The following GPR183 variants were observed in gnomAD, a reference collection of about 807,000 sequenced individuals.
GPR183 encodes the protein EBV-induced G-protein coupled receptor 2.
A neutral mutation model predicts 19.7 loss-of-function variants in GPR183; 9 were observed. The observed-to-expected ratio is 0.46, with a 90% CI of 0.28 to 0.80. GPR183 has a LOEUF of 0.80. Ranked by LOEUF, GPR183 falls within the 30% of genes least tolerant of loss-of-function variation. GPR183 has a pLI of 0.13. For synonymous variants in GPR183, 160 were observed against 155.1 expected (o/e 1.03, Z -0.24); for missense variants, 368 against 446.7 (o/e 0.82, Z 1.59).
intron 1 of GPR183, among the ~76,000 whole-genome samples, chr13:99,298,557 GT>G (rs1317664001): frequency 1.3e-5 from 2 of 152,060 alleles, no homozygotes; most frequent in Non-Finnish European, 1.5e-5. Flanking sequence ...TAAAATATAT[GT>G]TAAATATACA....
At chr13:99,302,260 A>G (rs2044267478) in intron 1 of GPR183, among the ~76,000 whole-genome samples, 1 of 152,248 alleles carries the variant, frequency 6.6e-6, no homozygotes, top group Admixed American at 6.5e-5. Context: ...CTTTGAGGAA[A>G]GGTTAAGACT....
intron 1 of GPR183, among the ~76,000 whole-genome samples, chr13:99,299,668 GT>G (rs2138727469): frequency 6.6e-6 from 1 of 152,128 alleles, no homozygotes; most frequent in African/African-American, 2.4e-5. Context: ...TAAAAACCTT[GT>G]TATCTGACAT....
At position 99,295,854 on chromosome 13, in the gene GPR183, T is replaced by C; in HGVS notation, c.292A>G (p.Arg98Gly). 2 of 1,606,048 alleles carry C rather than the reference T, an allele frequency of 1.2e-6. No individual in the cohort carries two copies. Among genetic ancestry groups the C allele is most frequent in the Non-Finnish European group, 1.7e-6 (2 of 1,174,790 alleles). Residue 98 changes from arginine (R) to glycine (G), a missense_variant, in exon 2 of 2, where the codon AGA becomes GGA. By Grantham distance (125) the Arg-to-Gly change is moderately radical (BLOSUM62 -2). Transcript: ENST00000376414. This position sits in a 1 kb window ranked among gnomAD's most constrained non-coding sequence, Gnocchi z 4.1. ...IAYYAMGFDW[R>G]IGDALCRITA... ...ATCCTACACAAGGCATCTCCGATTC[T>C]CCAGTCAAAGCCCATTGCATAGTAG...
Position 99,296,007 on chromosome 13 carries a change from C to T in GPR183, c.139G>A (p.Val47Met), listed in dbSNP as rs747892266. The change falls in exon 2 of 2, where the codon GTG (valine) becomes ATG (methionine). Residue 47 changes from valine (V) to methionine (M), a missense_variant. Transcript: ENST00000376414. ...HYSLVFIIGL[V>M]GNLLALVVIV... ...ACGACCAAGGCTAGTAAGTTTCCCACGAGCCCAATGATGAAGACGAGGCTG... is the reference window on the plus strand; with the variant it reads ...ACGACCAAGGCTAGTAAGTTTCCCATGAGCCCAATGATGAAGACGAGGCTG... 71 of 1,614,000 alleles carry T rather than the reference C, an allele frequency of 4.4e-5. No homozygotes were observed. The highest frequency in any genetic ancestry group is 1.6e-4 in the Middle Eastern group (1 of 6,084).
intron 1 of GPR183, among the ~76,000 whole-genome samples, chr13:99,304,708 A>G (rs1311124172): frequency 6.6e-6 from 1 of 152,116 alleles, no homozygotes; most frequent in Non-Finnish European, 1.5e-5. Context: ...CAGAACTTTC[A>G]CAAGTCCATT....
intron 1 of GPR183, among the ~76,000 whole-genome samples, chr13:99,302,543 G>T (rs949137336): frequency 2.6e-5 from 4 of 152,160 alleles, no homozygotes; most frequent in Non-Finnish European, 5.9e-5. Context: ...GTTCAAACAG[G>T]GGCATCTAAA....
chr13:99,301,441 G>A (rs1202290038), intron 1 of GPR183, among the ~76,000 whole-genome samples: 1 of 152,232 alleles, frequency 6.6e-6, no homozygotes, highest in Non-Finnish European at 1.5e-5. Flanking sequence ...CCTAACATGT[G>A]TAAAACAGTA....
At chr13:99,299,385 ATTATG>A (rs1478615497) in intron 1 of GPR183, among the ~76,000 whole-genome samples, 2 of 152,156 alleles carry the variant, frequency 1.3e-5, no homozygotes, top group East Asian at 3.9e-4. Context: ...TTGACTGGGA[ATTATG>A]TTAAGTGAGG....
At position 99,294,954 on chromosome 13, in the gene GPR183, T is replaced by C. The variant is rs767618741; in HGVS notation, c.*106A>G. ...GGGAAAGTGCCCAATGAAAGAAATA[T>C]AAAAGAATACTAATTGGAAGCTGAA... On this transcript the variant is annotated 3_prime_UTR_variant, in exon 2 of 2. Transcript: ENST00000376414. 1.3e-5 allele frequency: 17 copies of C among 1,313,524 alleles called. No homozygotes were observed. The South Asian group carries it at 1.3e-4, about 10-fold the overall frequency. 81.4% of individuals were successfully genotyped at this position (1,313,524 alleles called of 1,614,324 possible).
In GPR183 at chr13:99,294,847, T is replaced by A. The variant is rs934064591; in HGVS notation, c.*213A>T. On this transcript the variant is annotated 3_prime_UTR_variant, in exon 2 of 2. Coordinates refer to ENST00000376414, the MANE Select transcript of GPR183 (RefSeq NM_004951.5). Reference sequence around the variant, plus strand: ...TGGTGTATTCGTTTACAAATAAAAATGAAATATTTATTTGCATTTTTATTG... The same window carrying A: ...TGGTGTATTCGTTTACAAATAAAAAAGAAATATTTATTTGCATTTTTATTG... 7 of 433,928 alleles carry A rather than the reference T, an allele frequency of 1.6e-5. No individual in the cohort carries two copies. The highest frequency in any genetic ancestry group is 2.8e-5 in the Non-Finnish European group (7 of 249,084). The allele number at this position is 433,928 out of a possible 1,614,324, so 26.9% of individuals were successfully genotyped here.
intron 1 of GPR183, among the ~76,000 whole-genome samples, chr13:99,297,411 A>G (rs1271300061): frequency 1.3e-5 from 2 of 152,256 alleles, no homozygotes; most frequent in East Asian, 3.9e-4. Context: ...TTCCTTAAAG[A>G]CTATCTCTAC....
In GPR183 at chr13:99,295,627, C is replaced by T. The variant is rs1321669211; in HGVS notation, c.519G>A (p.Lys173=). Residue 173 remains lysine (K), a synonymous_variant, in exon 2 of 2, where the codon AAG becomes AAA. Coordinates refer to ENST00000376414, the MANE Select transcript of GPR183 (RefSeq NM_004951.5). This position sits in a 1 kb window ranked among gnomAD's most constrained non-coding sequence, Gnocchi z 4.1. ...TLPLLINPMS[K]QEAERITCME... ...TGCATGTAATCCTTTCAGCCTCCTG[C>T]TTTGACATAGGGTTGATGAGGAGTG... The T allele has an allele frequency of 6.2e-7, 1 of 1,614,122 alleles. No individual in the cohort carries two copies. Among genetic ancestry groups the T allele is most frequent in the South Asian group, 1.1e-5 (1 of 91,088 alleles).
intron 1 of GPR183, among the ~76,000 whole-genome samples, chr13:99,303,954 G>A (rs1286889312): frequency 6.6e-6 from 1 of 152,118 alleles, no homozygotes. Context: ...CCTCAGCCTT[G>A]TGCTCTGCTG....
chr13:99,298,265 A>C (rs1441993021), intron 1 of GPR183, among the ~76,000 whole-genome samples: 3 of 152,230 alleles, frequency 2.0e-5, no homozygotes, highest in African/African-American at 7.2e-5. Flanking sequence ...CTAGGTCACC[A>C]GAAGACTCAA....
At chr13:99,305,072 ACT>A (rs1348555322) in intron 1 of GPR183, among the ~76,000 whole-genome samples, 3 of 152,236 alleles carry the variant, frequency 2.0e-5, no homozygotes, top group Non-Finnish European at 1.5e-5. Flanking sequence ...GATTTAGAGT[ACT>A]GTTTTAACAG....
At chr13:99,299,868 GA>G (rs1255063755) in intron 1 of GPR183, among the ~76,000 whole-genome samples, 1 of 152,156 alleles carries the variant, frequency 6.6e-6, no homozygotes, top group Non-Finnish European at 1.5e-5. Flanking sequence ...TTTTGCACAG[GA>G]AAAAAATTGG....
chr13:99,297,698 A>G (rs1468723463), intron 1 of GPR183, among the ~76,000 whole-genome samples: 2 of 152,172 alleles, frequency 1.3e-5, no homozygotes, highest in Non-Finnish European at 2.9e-5. Context: ...ATGGGAAAAA[A>G]ACAAAGAATG....
intron 1 of GPR183, among the ~76,000 whole-genome samples, chr13:99,301,871 T>C (rs1387207949): frequency 6.6e-6 from 1 of 152,248 alleles, no homozygotes; most frequent in Admixed American, 6.5e-5. Context: ...ATAACAGCTT[T>C]TGGTTTTTGC....
intron 1 of GPR183, among the ~76,000 whole-genome samples, chr13:99,298,250 A>G (rs747065867): frequency 5.3e-5 from 8 of 152,314 alleles, no homozygotes; most frequent in Non-Finnish European, 1.0e-4. Context: ...AAATTTGACC[A>G]TGTGCTAGGT....
Sources: allele counts gnomAD v4.1 joint callset (sites outside exome capture counted in the v4.1 genomes callset), GRCh38; gene constraint gnomAD v4.1.1; non-coding constraint Gnocchi (gnomAD v3.1); transcripts MANE v1.5; gene names NCBI Gene and HGNC (gene_info 2026-07-23, HGNC 2026-07-21).